The following TMTC1 variants were observed in gnomAD, a reference collection of about 807,000 sequenced individuals.
TMTC1 encodes protein O-mannosyl-transferase TMTC1.
TMTC1 carries 73 observed loss-of-function variants against 104.8 expected under a neutral mutation model. The observed-to-expected ratio is 0.70, with a 90% CI of 0.58 to 0.85. The LOEUF (loss-of-function observed/expected upper bound fraction) is 0.85, where lower values mean the gene tolerates loss of function less well. TMTC1 is among the 40% of genes least tolerant of loss of function. The pLI is 0.00. For synonymous variants in TMTC1, 434 were observed against 428.7 expected (o/e 1.01, Z -0.15); for missense variants, 1,035 against 1,096.1 (o/e 0.94, Z 0.79).
chr12:29,543,006 G>A (rs1944844079), intron 10 of TMTC1, among the ~76,000 whole-genome samples: 1 of 152,096 alleles, frequency 6.6e-6, no homozygotes, highest in African/African-American at 2.4e-5. Flanking sequence ...ACTCTCTCAT[G>A]TTTCCCCCGG....
At chr12:29,626,546 A>T (rs1017991410) in intron 6 of TMTC1, among the ~76,000 whole-genome samples, 1 of 152,208 alleles carries the variant, frequency 6.6e-6, no homozygotes, top group African/African-American at 2.4e-5. Flanking sequence ...AGGGAGAAAG[A>T]ATACCCTCTT....
At chr12:29,555,635 C>T (rs1945222510) in intron 10 of TMTC1, among the ~76,000 whole-genome samples, 1 of 152,104 alleles carries the variant, frequency 6.6e-6, no homozygotes, top group Non-Finnish European at 1.5e-5. Context: ...TCATCCATGT[C>T]CCTGCAAAGG....
intron 5 of TMTC1, among the ~76,000 whole-genome samples, chr12:29,643,270 T>C (rs1334872780): frequency 6.6e-6 from 1 of 151,534 alleles, no homozygotes; most frequent in Non-Finnish European, 1.5e-5. Flanking sequence ...ATCTACCATT[T>C]GATGCAGCAA....
At chr12:29,766,741 G>A (rs1372761273) in intron 2 of TMTC1, among the ~76,000 whole-genome samples, 1 of 152,110 alleles carries the variant, frequency 6.6e-6, no homozygotes. Flanking sequence ...CTTCAGGGAA[G>A]CGTCCAAAGA....
chr12:29,631,889 G>A (rs538278704), intron 6 of TMTC1, among the ~76,000 whole-genome samples: 1 of 152,158 alleles, frequency 6.6e-6, no homozygotes, highest in Admixed American at 6.5e-5. Context: ...CCAATGATTT[G>A]GGCAGAGGTT....
chr12:29,604,342 T>A, intron 6 of TMTC1, 43 bp from the exon 7 acceptor site: 1 of 1,611,342 alleles, frequency 6.2e-7, no homozygotes, highest in Non-Finnish European at 8.5e-7. Context: ...TTCTGTTGAA[T>A]TCCACTTCAG....
intron 5 of TMTC1, among the ~76,000 whole-genome samples, chr12:29,732,211 C>A (rs778510823): frequency 6.6e-6 from 1 of 152,040 alleles, no homozygotes. Context: ...CAGGATAAGG[C>A]GATACCAGAC....
At position 29,642,936 on chromosome 12, in the gene TMTC1, C is replaced by A. The variant is rs551567449; in HGVS notation, c.939-9600G>T. Among the ~76,000 whole-genome samples, 232 of 149,470 alleles carry A rather than the reference C, an allele frequency of 1.6e-3. 1 individual carries two copies. Among genetic ancestry groups the A allele is most frequent in the African/African-American group, 5.2e-3 (212 of 40,584 alleles). On this transcript the variant is annotated intron_variant, in intron 5 of 17. Transcript: ENST00000539277. ...CGAGACTCCATCTCAAAAAAAAAAA[C>A]TCCCAAACAAACAAACAAACAAAAA...
intron 5 of TMTC1, among the ~76,000 whole-genome samples, chr12:29,746,749 T>C (rs1468122768): frequency 1.3e-5 from 2 of 152,212 alleles, no homozygotes; most frequent in East Asian, 1.9e-4. Context: ...GTTTTTTTAT[T>C]TGTACACCTA....
At chr12:29,542,981 T>A (rs1385407931) in intron 10 of TMTC1, among the ~76,000 whole-genome samples, 4 of 152,120 alleles carry the variant, frequency 2.6e-5, no homozygotes, top group African/African-American at 9.7e-5. Context: ...TCCTAATATT[T>A]TGCAGCAAAA....
intron 11 of TMTC1, chr12:29,521,062 C>A: frequency 5.4e-6 from 1 of 185,906 alleles, no homozygotes; most frequent in Non-Finnish European, 1.1e-5. Flanking sequence ...CCCTTCACCC[C>A]GGTGACTCTC....
intron 1 of TMTC1, among the ~76,000 whole-genome samples, chr12:29,771,281 T>C (rs1943588839): frequency 6.6e-6 from 1 of 152,104 alleles, no homozygotes. Context: ...TTAGACGGAA[T>C]AGTGGTAAGA....
chr12:29,740,775 G>C (rs1376472551), intron 5 of TMTC1, among the ~76,000 whole-genome samples: 3 of 152,006 alleles, frequency 2.0e-5, no homozygotes, highest in Non-Finnish European at 4.4e-5. Flanking sequence ...CCCGGCCCAA[G>C]TCAGTCTTTA....
At chr12:29,748,475 G>C (rs1943010489) in intron 5 of TMTC1, among the ~76,000 whole-genome samples, 1 of 152,220 alleles carries the variant, frequency 6.6e-6, no homozygotes, top group African/African-American at 2.4e-5. Context: ...CTGGGCTTTA[G>C]AGCACAGTAA....
At position 29,643,445 on chromosome 12, in the gene TMTC1, A is replaced by C. The variant is rs947987062; in HGVS notation, c.939-10109T>G. On this transcript the variant is annotated intron_variant, in intron 5 of 17. Transcript: ENST00000539277. ...GATAAACTGTGATATATATATATAT[A>C]TCACATATATATGATGGAATATATA... Among the ~76,000 whole-genome samples the C allele has an allele frequency of 6.9e-5, 9 of 130,906 alleles. No individual in the cohort carries two copies. The East Asian group carries it at 1.5e-3, about 22-fold the overall frequency. 85.9% of individuals were successfully genotyped at this position (130,906 alleles called of 152,430 possible).
chr12:29,593,105 G>T (rs1946322613), intron 7 of TMTC1, among the ~76,000 whole-genome samples: 1 of 152,164 alleles, frequency 6.6e-6, no homozygotes, highest in Non-Finnish European at 1.5e-5. Context: ...GCCCTTCTCT[G>T]GTTGAGCTGG....
intron 5 of TMTC1, among the ~76,000 whole-genome samples, chr12:29,677,131 A>C (rs1339170602): frequency 6.6e-6 from 1 of 152,158 alleles, no homozygotes; most frequent in Non-Finnish European, 1.5e-5. Context: ...AGCATAAATA[A>C]ATTCACTGGC....
chr12:29,727,045 A>G (rs1407523274), intron 5 of TMTC1, among the ~76,000 whole-genome samples: 2 of 152,200 alleles, frequency 1.3e-5, no homozygotes, highest in Non-Finnish European at 2.9e-5. Context: ...GCAACTTCAA[A>G]TGCAATTATT....
chr12:29,614,048 TTTAGAGTAGCA>T (rs1319983481), intron 6 of TMTC1: 3 of 299,096 alleles, frequency 1.0e-5, no homozygotes, highest in African/African-American at 6.8e-5. Context: ...ATCTAAATGT[TTTAGAGTAGCA>T]CTTCCAAAAG....
Sources: gnomAD v4.1 joint callset for allele counts (sites outside exome capture counted in the v4.1 genomes callset) on GRCh38, gnomAD v4.1.1 for gene constraint, MANE v1.5 for transcripts, NCBI Gene and HGNC (gene_info 2026-07-23, HGNC 2026-07-21) for gene names.